The following ANGPT1 variants were observed in gnomAD, a reference collection of about 807,000 sequenced individuals.
ANGPT1 encodes the protein angiopoietin-1.
Under a neutral mutation model 62.2 loss-of-function variants are expected in ANGPT1, and 17 were observed. The ratio of observed to expected loss-of-function variants is 0.27; its 90% CI spans 0.19 to 0.41. The LOEUF (loss-of-function observed/expected upper bound fraction) is 0.41, where lower values mean the gene tolerates loss of function less well. Ranked by LOEUF, ANGPT1 falls within the 10% of genes least tolerant of loss-of-function variation. ANGPT1 has a pLI of 1.00. For missense variants in ANGPT1, 478 were observed against 594.9 expected, an observed-to-expected ratio of 0.80 and a Z score of 2.04; for synonymous variants, 199 against 198.9, an observed-to-expected ratio of 1.00 and a Z score of 0.00.
At chr8:107,400,203 ATTTGG>A (rs775731600) in intron 1 of ANGPT1, among the ~76,000 whole-genome samples, 10 of 152,188 alleles carry the variant, frequency 6.6e-5, no homozygotes, top group Non-Finnish European at 1.5e-4. Flanking sequence ...TTCAAAGTAC[ATTTGG>A]TAAGTTAAGT....
intron 3 of ANGPT1, among the ~76,000 whole-genome samples, chr8:107,328,613 A>T (rs1380278721): frequency 6.6e-6 from 1 of 152,006 alleles, no homozygotes; most frequent in African/African-American, 2.4e-5. Flanking sequence ...GAGTTAATTT[A>T]AAAAAGGATA....
chr8:107,309,452 T>C (rs954536488), intron 4 of ANGPT1, among the ~76,000 whole-genome samples: 1 of 152,150 alleles, frequency 6.6e-6, no homozygotes, highest in East Asian at 1.9e-4. Context: ...GCCAGGTGTG[T>C]GGGCATTTCA....
At chr8:107,284,120 C>T (rs190235607) in intron 7 of ANGPT1, 2 of 152,206 alleles carry the variant, frequency 1.3e-5, no homozygotes, top group East Asian at 3.9e-4. Flanking sequence ...CATCTGCAAT[C>T]ATGTATTATG....
intron 1 of ANGPT1, among the ~76,000 whole-genome samples, chr8:107,441,736 G>C (rs1429172269): frequency 6.6e-6 from 1 of 152,046 alleles, no homozygotes; most frequent in Non-Finnish European, 1.5e-5. Context: ...TTCAGGGCCT[G>C]GTGTGGCTCT....
At chr8:107,370,364 G>GAAAGAAAGAAAGAAAA (rs1816372423) in intron 1 of ANGPT1, among the ~76,000 whole-genome samples, 2 of 32,434 alleles carry the variant, frequency 6.2e-5, no homozygotes, top group Non-Finnish European at 1.1e-4. Flanking sequence ...AAGAAAGAAA[G>GAAAGAAAGAAAGAAAA]AAAGAAAGAA....
intron 1 of ANGPT1, among the ~76,000 whole-genome samples, chr8:107,389,048 T>C (rs1408478734): frequency 6.6e-6 from 1 of 152,116 alleles, no homozygotes; most frequent in African/African-American, 2.4e-5. Context: ...ATGGAGCAAA[T>C]GGACCCAATA....
At chr8:107,343,923 A>G (rs982071004) in intron 2 of ANGPT1, among the ~76,000 whole-genome samples, 1 of 152,072 alleles carries the variant, frequency 6.6e-6, no homozygotes, top group African/African-American at 2.4e-5. Context: ...TTAGCTGAGC[A>G]TGGTGGCACA....
At chr8:107,467,244 C>T (rs1455520291) in intron 1 of ANGPT1, among the ~76,000 whole-genome samples, 2 of 151,506 alleles carry the variant, frequency 1.3e-5, no homozygotes, top group African/African-American at 4.9e-5. Flanking sequence ...CAAAAGATCA[C>T]ATGACCTCAT....
intron 1 of ANGPT1, among the ~76,000 whole-genome samples, chr8:107,385,788 T>C (rs1378208819): frequency 7.2e-5 from 11 of 152,090 alleles, no homozygotes; most frequent in Non-Finnish European, 1.6e-4. Flanking sequence ...GCTTTTAATA[T>C]TTTAAGGTAT....
At position 107,450,990 on chromosome 8, in the gene ANGPT1, G is replaced by T. The variant is rs568581124; in HGVS notation, c.297+46272C>A. On this transcript the variant is annotated intron_variant, in intron 1 of 8. Coordinates refer to ENST00000517746, the MANE Select transcript of ANGPT1 (RefSeq NM_001146.5). ...ATATTTACTAGAACGTATTGTAAATGCACCATGATACTTTTTTTGGAAGTC... is the reference window on the plus strand; with the variant it reads ...ATATTTACTAGAACGTATTGTAAATTCACCATGATACTTTTTTTGGAAGTC... 9.2e-5 allele frequency among the ~76,000 whole-genome samples: 14 copies of T among 151,736 alleles called. No homozygotes were observed. The South Asian group carries it at 2.9e-3, about 31-fold the overall frequency.
intron 8 of ANGPT1, 135 bp downstream of exon 8, chr8:107,264,086 G>T: frequency 2.7e-6 from 3 of 1,094,870 alleles, no homozygotes; most frequent in Non-Finnish European, 3.7e-6. Context: ...TAAATTCGTG[G>T]GCAGAACAAA....
intron 1 of ANGPT1, among the ~76,000 whole-genome samples, chr8:107,389,902 A>T (rs1185443498): frequency 2.0e-5 from 3 of 151,778 alleles, no homozygotes; most frequent in East Asian, 1.9e-4. Context: ...TCATTCTTAC[A>T]TTCCAGAAAT....
chr8:107,289,436 G>A (rs1461041252), intron 6 of ANGPT1, among the ~76,000 whole-genome samples: 1 of 152,050 alleles, frequency 6.6e-6, no homozygotes, highest in African/African-American at 2.4e-5. Context: ...ACCAGACACA[G>A]CCCATGTATT....
At chr8:107,425,854 C>T (rs1449136677) in intron 1 of ANGPT1, among the ~76,000 whole-genome samples, 1 of 152,162 alleles carries the variant, frequency 6.6e-6, no homozygotes, top group Non-Finnish European at 1.5e-5. Context: ...ATCTTGGTAT[C>T]CTTTTCAACA....
chr8:107,442,077 C>G (rs1026789880), intron 1 of ANGPT1, among the ~76,000 whole-genome samples: 4 of 152,034 alleles, frequency 2.6e-5, no homozygotes, highest in East Asian at 3.9e-4. Context: ...GAGTGACACT[C>G]CGTCTCAAAA....
intron 1 of ANGPT1, among the ~76,000 whole-genome samples, chr8:107,404,817 T>A (rs887421711): frequency 1.3e-5 from 2 of 152,130 alleles, no homozygotes; most frequent in African/African-American, 4.8e-5. Context: ...CAGGCAGCAG[T>A]GTTTGAAGAG....
At chr8:107,367,291 C>T (rs545689903) in intron 1 of ANGPT1, among the ~76,000 whole-genome samples, 1 of 152,136 alleles carries the variant, frequency 6.6e-6, no homozygotes, top group South Asian at 2.1e-4. Flanking sequence ...AGCATTATGC[C>T]TAAAAAACAA....
At chr8:107,283,538 A>AG (rs1021126840) in intron 7 of ANGPT1, among the ~76,000 whole-genome samples, 66 of 152,308 alleles carry the variant, frequency 4.3e-4, no homozygotes, top group African/African-American at 1.6e-3. Flanking sequence ...AATTAAAAAA[A>AG]AAAGGTTTGT....
intron 4 of ANGPT1, among the ~76,000 whole-genome samples, chr8:107,312,942 G>C (rs1049578586): frequency 6.6e-6 from 1 of 152,126 alleles, no homozygotes; most frequent in African/African-American, 2.4e-5. Context: ...GCTCTAGAGA[G>C]ATAGGTTGGA....
Sources: allele counts gnomAD v4.1 joint callset (sites outside exome capture counted in the v4.1 genomes callset), GRCh38; gene constraint gnomAD v4.1.1; transcripts MANE v1.5; gene names NCBI Gene and HGNC (gene_info 2026-07-23, HGNC 2026-07-21).